Variants in PHLDB2 observed in about 807,000 individuals in gnomAD.
The protein encoded by PHLDB2 is pleckstrin homology like domain family B member 2, also known as pleckstrin homology-like domain family B member 2.
PHLDB2 carries 71 observed loss-of-function variants against 123.6 expected under a neutral mutation model. That is an observed-to-expected ratio of 0.57 (90% CI 0.47 to 0.70). The LOEUF (loss-of-function observed/expected upper bound fraction) is 0.70. PHLDB2 is among the 30% of genes least tolerant of loss of function. The pLI is 0.00. For missense variants in PHLDB2, 1,446 were observed against 1,519.5 expected (o/e 0.95, Z 0.80); for synonymous variants, 547 against 541.6 (o/e 1.01, Z -0.14).
At position 111,884,756 on chromosome 3, in the gene PHLDB2, A is replaced by G. The variant is rs1481240232; in HGVS notation, c.679A>G (p.Lys227Glu). The G allele has an allele frequency of 1.2e-6, 2 of 1,614,104 alleles. No homozygotes were observed. Among genetic ancestry groups the G allele is most frequent in the East Asian group, 2.2e-5 (1 of 44,854 alleles). ...LALQPKLTRH[K>E]ELASENINLR... ...GCTTCAACCCAAGTTAACTAGACAC[A>G]AGGAGCTTGCATCTGAAAACATCAA... Residue 227 changes from lysine (K) to glutamate (E), a missense_variant, in exon 2 of 18, where the codon AAG (lysine) becomes GAG (glutamate). By Grantham distance (56) the Lys-to-Glu change is moderately conservative. Coordinates refer to ENST00000431670, the MANE Select transcript of PHLDB2 (RefSeq NM_001134438.2).
At chr3:111,824,972 T>C (rs1242663903) in intron 1 of PHLDB2, among the ~76,000 whole-genome samples, 1 of 152,220 alleles carries the variant, frequency 6.6e-6, no homozygotes, top group Non-Finnish European at 1.5e-5. Flanking sequence ...CTTTCTATAT[T>C]ATCTCTTAAT....
chr3:111,836,947 A>G (rs768685767), intron 1 of PHLDB2, among the ~76,000 whole-genome samples: 41 of 152,180 alleles, frequency 2.7e-4, no homozygotes, highest in Non-Finnish European at 5.1e-4. Flanking sequence ...AATCTACATT[A>G]TTCAGGTGGA....
chr3:111,955,161 C>CTA (rs1430037444), intron 12 of PHLDB2, among the ~76,000 whole-genome samples: 4 of 148,546 alleles, frequency 2.7e-5, no homozygotes, highest in South Asian at 2.1e-4. Context: ...ATATATATAT[C>CTA]TCTCACTGGA....
chr3:111,848,099 C>T (rs947581344), intron 2 of PHLDB2, among the ~76,000 whole-genome samples: 1 of 152,102 alleles, frequency 6.6e-6, no homozygotes, highest in African/African-American at 2.4e-5. Flanking sequence ...CACCTTCCCC[C>T]GTGTACATTC....
intron 1 of PHLDB2, among the ~76,000 whole-genome samples, chr3:111,862,505 A>AGT (rs1335669470): frequency 6.6e-6 from 1 of 152,190 alleles, no homozygotes; most frequent in Non-Finnish European, 1.5e-5. Context: ...ACTGCCATAT[A>AGT]GTGGGTAGAG....
intron 1 of PHLDB2, among the ~76,000 whole-genome samples, chr3:111,796,637 G>A (rs1364974270): frequency 2.0e-5 from 3 of 152,132 alleles, no homozygotes; most frequent in African/African-American, 7.2e-5. Context: ...GGATTCAAGC[G>A]ATTTTTGTGC....
chr3:111,855,290 A>G (rs1282984), upstream of PHLDB2, among the ~76,000 whole-genome samples: 29,766 of 152,086 alleles, frequency 0.2, 2,985 homozygotes, highest in Admixed American at 0.26. Context: ...TTACAACACA[A>G]TATCTCTAGT....
chr3:111,841,161 G>A lies in PHLDB2; in HGVS notation c.-48-4660G>A, dbSNP rs548280455. Among the ~76,000 whole-genome samples, 13 of 152,248 alleles carry A rather than the reference G, an allele frequency of 8.5e-5. No individual in the cohort carries two copies. In the South Asian group the frequency reaches 2.1e-3, roughly 24 times the overall value. ...GTCGCCCAGGCTGGAGTGCAATGGC[G>A]TGATCTTGGCTCACTGCAACCTCTG... On this transcript the variant is annotated intron_variant, in intron 1 of 17. Transcript: ENST00000393923.
chr3:111,894,098 C>T (rs1352980284), intron 2 of PHLDB2, among the ~76,000 whole-genome samples: 15 of 114,496 alleles, frequency 1.3e-4, no homozygotes, highest in Non-Finnish European at 2.4e-4. Context: ...GTGTGATATT[C>T]CCCTTCCTGT....
intron 1 of PHLDB2, chr3:111,859,907 C>G (rs2064729244): frequency 1.0e-6 from 1 of 985,390 alleles, no homozygotes; most frequent in Non-Finnish European, 1.2e-6. Context: ...CACAGAGTTT[C>G]TTTGCTTCTT....
rs778623599 is a variant in PHLDB2 at position 111,884,785 on chromosome 3, GA to G, written c.709del (p.Arg237GlufsTer10). The G allele has an allele frequency of 6.2e-7, 1 of 1,614,040 alleles. No homozygotes were observed. Among genetic ancestry groups the G allele is most frequent in the South Asian group, 1.1e-5 (1 of 91,060 alleles). ...KELASENINL[R>X]TRKYSSSSLS... ...AGCTTGCATCTGAAAACATCAATTTGAGAACTAGGAAGTACTCCAGCAGCAG... is the reference window on the plus strand; with the variant it reads ...AGCTTGCATCTGAAAACATCAATTTGGAACTAGGAAGTACTCCAGCAGCAG... On this transcript the variant is annotated frameshift_variant, in exon 2 of 18. Coordinates refer to ENST00000431670, the MANE Select transcript of PHLDB2 (RefSeq NM_001134438.2). LOFTEE classifies it high-confidence loss of function.
chr3:111,780,378 A>G (rs889632221), intron 1 of PHLDB2, among the ~76,000 whole-genome samples: 31 of 43,512 alleles, frequency 7.1e-4, no homozygotes, highest in East Asian at 3.8e-3. Flanking sequence ...AAGAAGAAGA[A>G]GAAGAAGAAG....
chr3:111,773,634 T>C (rs1313804992), intron 1 of PHLDB2, among the ~76,000 whole-genome samples: 1 of 152,238 alleles, frequency 6.6e-6, no homozygotes, highest in Non-Finnish European at 1.5e-5. Context: ...TCTTTCTGCC[T>C]TGATATATCC....
intron 1 of PHLDB2, among the ~76,000 whole-genome samples, chr3:111,835,858 C>T (rs1576819669): frequency 6.6e-6 from 1 of 152,130 alleles, no homozygotes; most frequent in Non-Finnish European, 1.5e-5. Context: ...CTAGCTTCTC[C>T]GAAGGGCCAG....
chr3:111,877,031 C>T lies in PHLDB2; in HGVS notation c.-14-7033C>T, dbSNP rs932977615. Reference sequence around the variant, plus strand: ...TGTGAACAGTGCTGCAATAAACATACGCTTGCATGTGTCTTTATAGTAGAA... The same window carrying T: ...TGTGAACAGTGCTGCAATAAACATATGCTTGCATGTGTCTTTATAGTAGAA... On this transcript the variant is annotated intron_variant, in intron 1 of 17. Coordinates refer to ENST00000431670, the MANE Select transcript of PHLDB2 (RefSeq NM_001134438.2). 1.1e-4 allele frequency among the ~76,000 whole-genome samples: 16 copies of T among 152,114 alleles called. 1 individual carries two copies. The highest frequency in any genetic ancestry group is 4.6e-4 in the Admixed American group (7 of 15,260).
chr3:111,834,472 T>G (rs2063309299), intron 1 of PHLDB2, among the ~76,000 whole-genome samples: 1 of 150,584 alleles, frequency 6.6e-6, no homozygotes, highest in African/African-American at 2.4e-5. Context: ...TTTATCTAGA[T>G]TTACCTCATT....
In PHLDB2 at chr3:111,853,969, C is replaced by T. The variant is rs569451109; in HGVS notation, c.67+8034C>T. Among the ~76,000 whole-genome samples, 8 of 152,232 alleles carry T rather than the reference C, an allele frequency of 5.3e-5. No homozygotes were observed. The South Asian group carries it at 1.5e-3, about 28-fold the overall frequency. The stretch of plus-strand genomic sequence containing the variant: ...AAATTACTTGGCTATTGTATTAGTC[C>T]GTTCTCACACTCCTATAAAGAAATA... On this transcript the variant is annotated intron_variant, in intron 2 of 17. Coordinates refer to the PHLDB2 transcript ENST00000393923.
chr3:111,926,108 A>G (rs2068800570), intron 5 of PHLDB2, among the ~76,000 whole-genome samples: 1 of 152,204 alleles, frequency 6.6e-6, no homozygotes. Context: ...CCTAGCCTGC[A>G]CTCTTAAACA....
chr3:111,937,888 T>C (rs1485421925), intron 6 of PHLDB2, among the ~76,000 whole-genome samples: 1 of 151,170 alleles, frequency 6.6e-6, no homozygotes, highest in Non-Finnish European at 1.5e-5. Context: ...AAACAAAAAG[T>C]ATATTAGAGA....
Sources: gnomAD v4.1 joint callset for allele counts (sites outside exome capture counted in the v4.1 genomes callset) on GRCh38, gnomAD v4.1.1 for gene constraint, MANE v1.5 for transcripts, NCBI Gene and HGNC (gene_info 2026-07-23, HGNC 2026-07-21) for gene names.